Variants in TAFA1 observed in about 807,000 individuals in gnomAD.
TAFA1 encodes the protein TAFA chemokine like family member 1.
In TAFA1, 4 loss-of-function variants were observed where a neutral mutation model predicts 18.5. The ratio of observed to expected loss-of-function variants is 0.22; its 90% CI spans 0.11 to 0.49. The LOEUF (loss-of-function observed/expected upper bound fraction) is 0.49, where lower values mean the gene tolerates loss of function less well. Among genes scored for constraint, TAFA1 ranks in the 20% least tolerant of loss-of-function variants. TAFA1 has a pLI of 0.98. For synonymous variants in TAFA1, 56 were observed against 55.2 expected, an observed-to-expected ratio of 1.01 and a Z score of -0.06; for missense variants, 147 against 169.0, an observed-to-expected ratio of 0.87 and a Z score of 0.72.
chr3:68,509,451 G>C (rs969101136), intron 3 of TAFA1, among the ~76,000 whole-genome samples: 1 of 152,050 alleles, frequency 6.6e-6, no homozygotes, highest in African/African-American at 2.4e-5. Context: ...TCTTCCACTA[G>C]GTTAGGCCAT....
At chr3:68,331,571 ATT>A (rs1449522571) in intron 2 of TAFA1, among the ~76,000 whole-genome samples, 1 of 152,246 alleles carries the variant, frequency 6.6e-6, no homozygotes, top group Non-Finnish European at 1.5e-5. Context: ...TATTGTAAAG[ATT>A]TGAAGCCAAA....
In TAFA1 at chr3:68,092,737, T is replaced by C. The variant is rs192268714; in HGVS notation, c.118+85993T>C. On this transcript the variant is annotated intron_variant, in intron 2 of 4. Transcript: ENST00000478136. ...AAGTCATAAACAGAAACTCCTAATA[T>C]CTGGACACCCACCAGAATAGCAATC... 4.8e-4 allele frequency among the ~76,000 whole-genome samples: 73 copies of C among 152,178 alleles called. 1 individual carries two copies. Among genetic ancestry groups the C allele is most frequent in the African/African-American group, 1.6e-3 (68 of 41,514 alleles).
intron 2 of TAFA1, among the ~76,000 whole-genome samples, chr3:68,019,376 T>G (rs1240109004): frequency 1.3e-5 from 2 of 152,222 alleles, no homozygotes; most frequent in Non-Finnish European, 2.9e-5. Context: ...TAGACCCTTT[T>G]GTGCCCCAGT....
intron 2 of TAFA1, among the ~76,000 whole-genome samples, chr3:68,263,263 A>G (rs13084985): frequency 7.2e-5 from 11 of 152,078 alleles, no homozygotes; most frequent in Middle Eastern, 6.8e-3. Flanking sequence ...ATACGGTGGA[A>G]TTTCACTGTG....
intron 2 of TAFA1, among the ~76,000 whole-genome samples, chr3:68,383,617 A>T (rs2070028366): frequency 6.6e-6 from 1 of 152,148 alleles, no homozygotes; most frequent in South Asian, 2.1e-4. Flanking sequence ...GTTGATGTTC[A>T]TCAAGGATAT....
intron 3 of TAFA1, among the ~76,000 whole-genome samples, chr3:68,450,830 T>C (rs1257861425): frequency 6.6e-6 from 1 of 152,130 alleles, no homozygotes; most frequent in Non-Finnish European, 1.5e-5. Flanking sequence ...GTAGCAAGTG[T>C]TATGTAATTA....
At chr3:68,076,611 T>A (rs2064828346) in intron 2 of TAFA1, among the ~76,000 whole-genome samples, 1 of 152,370 alleles carries the variant, frequency 6.6e-6, no homozygotes, top group South Asian at 2.1e-4. Context: ...TCCAATTTCA[T>A]CCATGTCCCT....
intron 2 of TAFA1, among the ~76,000 whole-genome samples, chr3:68,037,445 C>T (rs1325170680): frequency 2.6e-5 from 4 of 152,266 alleles, no homozygotes; most frequent in Admixed American, 1.3e-4. Flanking sequence ...TCTTGCTTCA[C>T]GTGGAAAGAT....
chr3:68,103,502 A>G (rs1234321503), intron 2 of TAFA1, among the ~76,000 whole-genome samples: 1 of 152,222 alleles, frequency 6.6e-6, no homozygotes, highest in East Asian at 1.9e-4. Context: ...AGCAGAATCA[A>G]TTAACATATT....
chr3:68,335,038 G>T (rs937136035), intron 2 of TAFA1, among the ~76,000 whole-genome samples: 2 of 152,212 alleles, frequency 1.3e-5, no homozygotes, highest in African/African-American at 4.8e-5. Context: ...TTAGTAACTT[G>T]TCAAGGTGAT....
intron 2 of TAFA1, among the ~76,000 whole-genome samples, chr3:68,249,447 G>A (rs948087087): frequency 6.6e-4 from 101 of 152,252 alleles, no homozygotes; most frequent in African/African-American, 2.2e-3. Context: ...GTCATAAGGC[G>A]TCACTGACAA....
At chr3:68,329,221 T>TTTTTA (rs2068825007) in intron 2 of TAFA1, among the ~76,000 whole-genome samples, 1 of 141,882 alleles carries the variant, frequency 7.0e-6, no homozygotes, top group Non-Finnish European at 1.5e-5. Context: ...GCTGCCTTTT[T>TTTTTA]TTTTTTTTTT....
At chr3:68,341,442 GAT>G (rs751128982) in intron 2 of TAFA1, among the ~76,000 whole-genome samples, 1 of 152,164 alleles carries the variant, frequency 6.6e-6, no homozygotes, top group Non-Finnish European at 1.5e-5. Flanking sequence ...TTACAATAGT[GAT>G]GTTATTCCCA....
chr3:68,167,648 C>T (rs1575656714), intron 2 of TAFA1, among the ~76,000 whole-genome samples: 2 of 151,512 alleles, frequency 1.3e-5, no homozygotes, highest in South Asian at 2.1e-4. Flanking sequence ...ATCAATCAAC[C>T]ACACTATGTA....
intron 2 of TAFA1, among the ~76,000 whole-genome samples, chr3:68,113,215 T>G (rs955581045): frequency 6.6e-6 from 1 of 152,202 alleles, no homozygotes; most frequent in Non-Finnish European, 1.5e-5. Context: ...ATTGTGAGGA[T>G]AGGCAAAGAT....
At chr3:68,394,392 A>G (rs1160114735) in intron 2 of TAFA1, among the ~76,000 whole-genome samples, 1 of 152,214 alleles carries the variant, frequency 6.6e-6, no homozygotes, top group East Asian at 1.9e-4. Flanking sequence ...TAATTTATAG[A>G]TTCAATGCTA....
At chr3:68,494,733 A>G (rs2072514941) in intron 3 of TAFA1, among the ~76,000 whole-genome samples, 1 of 152,208 alleles carries the variant, frequency 6.6e-6, no homozygotes, top group African/African-American at 2.4e-5. Context: ...ACTATTTTTA[A>G]GCCTCTGTTA....
intron 2 of TAFA1, among the ~76,000 whole-genome samples, chr3:68,396,341 T>C (rs1053910594): frequency 1.3e-5 from 2 of 152,192 alleles, no homozygotes; most frequent in African/African-American, 4.8e-5. Flanking sequence ...AGCTAGAATG[T>C]TACCAGCAAT....
intron 3 of TAFA1, among the ~76,000 whole-genome samples, chr3:68,434,684 G>A (rs1203770640): frequency 1.3e-5 from 2 of 152,080 alleles, no homozygotes; most frequent in Admixed American, 6.6e-5. Context: ...TATACTACAT[G>A]ATTATTCTGA....
Sources: allele counts gnomAD v4.1 joint callset (sites outside exome capture counted in the v4.1 genomes callset), GRCh38; gene constraint gnomAD v4.1.1; transcripts MANE v1.5; gene names NCBI Gene and HGNC (gene_info 2026-07-23, HGNC 2026-07-21).